DNAH3: variants seen among roughly 807,000 people sequenced by gnomAD.
DNAH3 encodes the protein dynein axonemal heavy chain 3.
Under a neutral mutation model 432.5 loss-of-function variants are expected in DNAH3, and 332 were observed. The observed-to-expected ratio is 0.77, with a 90% CI of 0.70 to 0.84. The LOEUF (loss-of-function observed/expected upper bound fraction) is 0.84. Among genes scored for constraint, DNAH3 ranks in the 40% least tolerant of loss-of-function variants. DNAH3 has a pLI of 0.00. For missense variants in DNAH3, 4,861 were observed against 5,114.0 expected (o/e 0.95, Z 1.51); for synonymous variants, 1,956 against 1,900.2 (o/e 1.03, Z -0.76).
chr16:21,037,691 A>G, intron 34 of DNAH3, 70 bp downstream of exon 34: 2 of 1,388,304 alleles, frequency 1.4e-6, no homozygotes, highest in East Asian at 4.6e-5. Context: ...TGGGGAAGGC[A>G]CCAAACACAA....
Position 20,986,233 on chromosome 16 carries a change from G to A in DNAH3, c.7027-518C>T, listed in dbSNP as rs141764545. Among the ~76,000 whole-genome samples the A allele has an allele frequency of 1.1e-3, 166 of 151,870 alleles. 1 individual carries two copies. Among genetic ancestry groups the A allele is most frequent in the African/African-American group, 3.8e-3 (158 of 41,460 alleles). On this transcript the variant is annotated intron_variant, in intron 47 of 61. Coordinates refer to ENST00000261383, the Ensembl canonical transcript of DNAH3. ...ATAATGAAAGAACATTGCTGGGCAC[G>A]GTGGCTCATGCCTGTAGTCCCAGCA... is the stretch of plus-strand genomic sequence containing the variant.
intron 53 of DNAH3, among the ~76,000 whole-genome samples, chr16:20,962,165 T>C (rs1164675624): frequency 6.6e-6 from 1 of 151,408 alleles, no homozygotes; most frequent in African/African-American, 2.4e-5. Flanking sequence ...CATCTCAAAA[T>C]AAATAAATAA....
intron 16 of DNAH3, among the ~76,000 whole-genome samples, chr16:21,103,507 G>A (rs777494000): frequency 6.6e-5 from 10 of 151,892 alleles, no homozygotes; most frequent in Non-Finnish European, 1.3e-4. Context: ...TGGGCTCCAG[G>A]GCCAGTATCC....
chr16:21,060,473 CCTTTT>C (rs2090307701), intron 25 of DNAH3, 117 bp from the exon 26 acceptor site: 1 of 684,102 alleles, frequency 1.5e-6, no homozygotes, highest in Admixed American at 2.3e-5. Context: ...AGGCTTGGCA[CCTTTT>C]CAAGTCAATA....
At chr16:21,117,942 G>C (rs1464066198) in intron 11 of DNAH3, among the ~76,000 whole-genome samples, 1 of 152,040 alleles carries the variant, frequency 6.6e-6, no homozygotes, top group Non-Finnish European at 1.5e-5. Flanking sequence ...CTGCCACTGA[G>C]GGACAATGTG....
chr16:21,068,345 C>T lies in DNAH3; in HGVS notation c.3382-926G>A, dbSNP rs1424560656. Among the ~76,000 whole-genome samples, 6 of 149,090 alleles carry T rather than the reference C, an allele frequency of 4.0e-5. No homozygotes were observed. The East Asian group carries it at 5.9e-4, about 15-fold the overall frequency. The stretch of plus-strand genomic sequence containing the variant: ...TTGGGTGGGGGGGGGGACAGAGTCT[C>T]GCTCTGTTGCCCAGGCTAGAGTGCA... On this transcript the variant is annotated intron_variant, in intron 23 of 61. Coordinates refer to ENST00000261383, the Ensembl canonical transcript of DNAH3.
exon 55 of DNAH3, chr16:20,955,057 T>A (rs1268082171): frequency 2.5e-6 from 4 of 1,602,630 alleles, no homozygotes; most frequent in Middle Eastern, 1.7e-4. Flanking sequence ...TTAGCCAGAG[T>A]CTGGAAGAAC....
chr16:21,032,238 T>C (rs1284001127), intron 36 of DNAH3, among the ~76,000 whole-genome samples: 1 of 152,074 alleles, frequency 6.6e-6, no homozygotes, highest in Non-Finnish European at 1.5e-5. Flanking sequence ...TGATTTGAAA[T>C]GAGGAAACGG....
intron 56 of DNAH3, among the ~76,000 whole-genome samples, chr16:20,951,945 G>A (rs572668939): frequency 3.2e-4 from 49 of 151,012 alleles, no homozygotes; most frequent in African/African-American, 1.1e-3. Context: ...GGTTTTCACC[G>A]TGTTACCCAG....
chr16:20,979,212 T>A lies in DNAH3; in HGVS notation c.8076+118A>T, dbSNP rs2085739463. On this transcript the variant is annotated intron_variant, in intron 50 of 61. Coordinates refer to ENST00000261383, the Ensembl canonical transcript of DNAH3. ...ATGTAGGTAAGGTAAGCTCTGCAAA[T>A]GCAGGGTCACATTCTGCTTGATCTG... is the stretch of plus-strand genomic sequence containing the variant. 4 of 850,604 alleles carry A rather than the reference T, an allele frequency of 4.7e-6. 1 individual carries two copies. In the South Asian group the frequency reaches 6.5e-5, roughly 14 times the overall value. 52.7% of individuals were successfully genotyped at this position (850,604 alleles called of 1,614,324 possible).
exon 51 of DNAH3, chr16:20,975,249 A>T (rs769320315): frequency 3.7e-6 from 6 of 1,613,456 alleles, no homozygotes; most frequent in Non-Finnish European, 5.1e-6. Flanking sequence ...TCCTTGGGCA[A>T]TGGCAGCAGC....
intron 44 of DNAH3, among the ~76,000 whole-genome samples, chr16:20,995,428 A>G (rs1421594138): frequency 2.0e-5 from 3 of 150,890 alleles, no homozygotes; most frequent in Non-Finnish European, 2.9e-5. Context: ...ATGCCCGGCT[A>G]ATTTTTGTAT....
chr16:21,155,616 C>A (rs1230412830), intron 1 of DNAH3, among the ~76,000 whole-genome samples: 1 of 104,976 alleles, frequency 9.5e-6, no homozygotes, highest in Non-Finnish European at 1.8e-5. Context: ...AGCAAGACTC[C>A]GTCTCAAAAA....
intron 42 of DNAH3, among the ~76,000 whole-genome samples, chr16:21,000,743 A>T (rs2086978280): frequency 6.6e-6 from 1 of 152,204 alleles, no homozygotes; most frequent in Non-Finnish European, 1.5e-5. Flanking sequence ...AAGATCATGC[A>T]TGTAAAGTTG....
intron 18 of DNAH3, among the ~76,000 whole-genome samples, chr16:21,095,250 C>G (rs1229618729): frequency 6.6e-6 from 1 of 152,196 alleles, no homozygotes; most frequent in Non-Finnish European, 1.5e-5. Flanking sequence ...TACATTGACA[C>G]AAAAACGTTG....
In DNAH3 at chr16:20,941,220, A is replaced by C. The variant is rs560995940; in HGVS notation, c.11654+181T>G. Among the ~76,000 whole-genome samples, 38 of 152,308 alleles carry C rather than the reference A, an allele frequency of 2.5e-4. No homozygotes were observed. In the South Asian group the frequency reaches 7.9e-3, roughly 32 times the overall value. On this transcript the variant is annotated intron_variant, in intron 59 of 61. Coordinates refer to ENST00000261383, the Ensembl canonical transcript of DNAH3. ...GAATGGGAATGAATGAATAGAAGGA[A>C]TGATTCAACCCAGGGTCAGCATGTG... is the stretch of plus-strand genomic sequence containing the variant.
intron 11 of DNAH3, chr16:21,120,661 T>A (rs2092316726): frequency 2.7e-6 from 3 of 1,103,756 alleles, no homozygotes; most frequent in Non-Finnish European, 4.1e-6. Flanking sequence ...GGTATTCACA[T>A]AGGCCTTGTT....
intron 44 of DNAH3, among the ~76,000 whole-genome samples, chr16:20,991,254 A>C (rs1311380370): frequency 2.0e-5 from 3 of 151,070 alleles, no homozygotes; most frequent in Admixed American, 2.0e-4. Context: ...CAGTTAAAAC[A>C]ACCACATGCC....
chr16:21,108,762 G>A (rs1009930433), intron 14 of DNAH3, among the ~76,000 whole-genome samples: 6 of 151,372 alleles, frequency 4.0e-5, no homozygotes, highest in Admixed American at 2.0e-4. Context: ...AAAAGTGTCC[G>A]AGTAGTGTGA....
Sources: allele counts gnomAD v4.1 joint callset (sites outside exome capture counted in the v4.1 genomes callset), GRCh38; gene constraint gnomAD v4.1.1; transcripts MANE v1.5; gene names NCBI Gene and HGNC (gene_info 2026-07-23, HGNC 2026-07-21).